The following CACNA1C variants were observed in gnomAD, a reference collection of about 807,000 sequenced individuals.
CACNA1C encodes the protein voltage-dependent L-type calcium channel subunit alpha-1C.
In CACNA1C, 30 loss-of-function variants were observed where a neutral mutation model predicts 229.0. The observed-to-expected ratio is 0.13, with a 90% CI of 0.10 to 0.18. The LOEUF (loss-of-function observed/expected upper bound fraction) is 0.18, where lower values mean the gene tolerates loss of function less well. Among genes scored for constraint, CACNA1C ranks in the 10% least tolerant of loss-of-function variants. The pLI is 1.00. For synonymous variants in CACNA1C, 1,114 were observed against 1,132.5 expected (o/e 0.98, Z 0.33); for missense variants, 1,658 against 2,845.0 (o/e 0.58, Z 9.49).
chr12:2,346,237 G>A lies in CACNA1C; in HGVS notation c.478-102739G>A, dbSNP rs912989857. Among the ~76,000 whole-genome samples the A allele has an allele frequency of 2.0e-5, 3 of 152,124 alleles. No homozygotes were observed. The highest frequency in any genetic ancestry group is 6.5e-5 in the Admixed American group (1 of 15,284). ...GTGTGTGTCATCTCTGTGTGTGTCT[G>A]TGTGTGTCTCTGTCTGTGCATCTCT... On this transcript the variant is annotated intron_variant, in intron 3 of 46. Coordinates refer to ENST00000399655, the MANE Select transcript of CACNA1C (RefSeq NM_000719.7). The surrounding 1 kb of genome is among the most constrained non-coding windows in gnomAD (Gnocchi z 4.4).
rs1348182349 is a variant in CACNA1C, at chr12:2,340,421, G to A, written c.478-108555G>A. ...GAGCATTATCTTTATTAATCTGAAA[G>A]GAAGAAAACAAGTGAATGGGACATA... On this transcript the variant is annotated intron_variant, in intron 3 of 46. Coordinates refer to ENST00000399655, the MANE Select transcript of CACNA1C (RefSeq NM_000719.7). Among the ~76,000 whole-genome samples the A allele has an allele frequency of 3.3e-5, 5 of 152,256 alleles. No homozygotes were observed. In the Middle Eastern group the frequency reaches 0.01, roughly 311 times the overall value.
At chr12:2,312,919 A>T (rs1339746078) in intron 3 of CACNA1C, among the ~76,000 whole-genome samples, 1 of 152,178 alleles carries the variant, frequency 6.6e-6, no homozygotes, top group Non-Finnish European at 1.5e-5. Context: ...CTTATTCATT[A>T]TGTTAAAATC....
chr12:2,373,833 A>G (rs2097939831), intron 3 of CACNA1C, among the ~76,000 whole-genome samples: 1 of 152,236 alleles, frequency 6.6e-6, no homozygotes, highest in Non-Finnish European at 1.5e-5. Flanking sequence ...CTGCAAGTCA[A>G]ACCTCATGCT....
At chr12:2,643,990 G>A (rs539620803) in intron 30 of CACNA1C, among the ~76,000 whole-genome samples, 234 of 152,312 alleles carry the variant, frequency 1.5e-3, no homozygotes, top group African/African-American at 5.5e-3. Context: ...GCATGGGGAG[G>A]GGGTACTGGC....
At chr12:2,363,731 AGCCTCT>A (rs3841764) in intron 3 of CACNA1C, among the ~76,000 whole-genome samples, 61,921 of 151,638 alleles carry the variant, frequency 0.41, 12,719 homozygotes, top group South Asian at 0.47. Flanking sequence ...GATCTCTTAC[AGCCTCT>A]GGAGTCTTGA....
At chr12:2,018,532 G>A (rs948448880) in intron 1 of CACNA1C, among the ~76,000 whole-genome samples, 7 of 152,236 alleles carry the variant, frequency 4.6e-5, no homozygotes, top group Non-Finnish European at 8.8e-5. Flanking sequence ...CAGTCAGGAT[G>A]AAAGCAACAG....
chr12:2,511,666 A>G (rs1291953431), intron 8 of CACNA1C, among the ~76,000 whole-genome samples: 1 of 151,984 alleles, frequency 6.6e-6, no homozygotes, highest in Non-Finnish European at 1.5e-5. Context: ...ATACTCCCCT[A>G]TGCCTATTTT....
chr12:2,570,306 C>T (rs1164008135), intron 13 of CACNA1C, among the ~76,000 whole-genome samples: 1 of 152,066 alleles, frequency 6.6e-6, no homozygotes, highest in Non-Finnish European at 1.5e-5. Context: ...GAGCTGATGG[C>T]ATCTTGCTCA....
intron 28 of CACNA1C, 132 bp downstream of exon 28, chr12:2,610,831 C>A: frequency 1.1e-6 from 1 of 874,086 alleles, no homozygotes; most frequent in Non-Finnish European, 1.8e-6. Context: ...TGGAGAAAGA[C>A]GAGTGTTCTC....
At chr12:2,441,310 C>T (rs934058007) in intron 3 of CACNA1C, among the ~76,000 whole-genome samples, 1 of 152,230 alleles carries the variant, frequency 6.6e-6, no homozygotes, top group African/African-American at 2.4e-5. Context: ...CCCAGCTCTA[C>T]TGTGCACATG....
rs2153229485 is a variant in CACNA1C at position 2,584,580 on chromosome 12, G to A, written c.2302G>A (p.Glu768Lys). 1 of 1,613,444 alleles carries A rather than the reference G, an allele frequency of 6.2e-7. No individual in the cohort carries two copies. The highest frequency in any genetic ancestry group is 8.5e-7 in the Non-Finnish European group (1 of 1,179,564). ...DAESLTSAQK[E>K]EEEEKERKKL... The stretch of plus-strand genomic sequence containing the variant: ...TGAGAGCCTCACATCTGCCCAAAAG[G>A]AGGAGGAAGAGGAGAAGGAGAGAAA... Residue 768 changes from glutamate (E) to lysine (K), a missense_variant, in exon 16 of 47, where the codon GAG (glutamate) becomes AAG (lysine). Coordinates refer to ENST00000399655, the MANE Select transcript of CACNA1C (RefSeq NM_000719.7).
At position 2,432,532 on chromosome 12, in the gene CACNA1C, C is replaced by T. The variant is rs115112759; in HGVS notation, c.478-16444C>T. Among the ~76,000 whole-genome samples, 1,061 of 152,280 alleles carry T rather than the reference C, an allele frequency of 7.0e-3. 14 individuals carry two copies. Among genetic ancestry groups the T allele is most frequent in the African/African-American group, 0.024 (999 of 41,540 alleles). On this transcript the variant is annotated intron_variant, in intron 3 of 46. Coordinates refer to ENST00000399655, the MANE Select transcript of CACNA1C (RefSeq NM_000719.7). ...TCTGACCCTCTCCTCCCACCTGCCC[C>T]ACTCTCTTGCTACCTTGGGGATTAG...
chr12:2,531,002 A>G (rs1229340817), intron 9 of CACNA1C, among the ~76,000 whole-genome samples: 1 of 152,192 alleles, frequency 6.6e-6, no homozygotes, highest in Non-Finnish European at 1.5e-5. Flanking sequence ...ACTTGCTTTT[A>G]TATTCATGTG....
At chr12:2,440,682 C>T (rs1047626282) in intron 3 of CACNA1C, among the ~76,000 whole-genome samples, 7 of 152,164 alleles carry the variant, frequency 4.6e-5, no homozygotes, top group African/African-American at 1.4e-4. Flanking sequence ...TAGAGACGGC[C>T]GTGCTTCAGC....
intron 15 of CACNA1C, 112 bp downstream of exon 15, chr12:2,583,054 C>T: frequency 1.4e-6 from 1 of 739,894 alleles, no homozygotes. Flanking sequence ...GCTCACACCA[C>T]CCAGCCTAGA....
Position 2,275,421 on chromosome 12 carries a change from G to A in CACNA1C, c.477+154991G>A, listed in dbSNP as rs1406988774. On this transcript the variant is annotated intron_variant, in intron 3 of 46. Coordinates refer to ENST00000399655, the MANE Select transcript of CACNA1C (RefSeq NM_000719.7). This position sits in a 1 kb window ranked among gnomAD's most constrained non-coding sequence, Gnocchi z 4.1. ...CTCGTGCCCGCACAGATTGTCTGGT[G>A]AGCCCGCCAGCTGTACCGCATCGCT... is the stretch of plus-strand genomic sequence containing the variant. 6.6e-6 allele frequency among the ~76,000 whole-genome samples: 1 copy of A among 152,120 alleles called. No individual in the cohort carries two copies. The highest frequency in any genetic ancestry group is 1.5e-5 in the Non-Finnish European group (1 of 68,016).
At chr12:2,019,985 G>T (rs2046156599) in intron 1 of CACNA1C, 1 of 152,162 alleles carries the variant, frequency 6.6e-6, no homozygotes, top group South Asian at 2.1e-4. Context: ...AATGTTTAAA[G>T]GTATACATTT....
intron 29 of CACNA1C, among the ~76,000 whole-genome samples, chr12:2,629,125 C>T (rs567078235): frequency 7.9e-5 from 12 of 152,172 alleles, no homozygotes; most frequent in African/African-American, 2.4e-4. Flanking sequence ...AATCTCCAGC[C>T]GACTAGAATA....
At chr12:2,405,882 C>T (rs1185026031) in intron 3 of CACNA1C, among the ~76,000 whole-genome samples, 1 of 152,174 alleles carries the variant, frequency 6.6e-6, no homozygotes, top group Admixed American at 6.5e-5. Context: ...CCCAAGATTC[C>T]TTAAAAAAAT....
Sources: gnomAD v4.1 joint callset for allele counts (sites outside exome capture counted in the v4.1 genomes callset) on GRCh38, gnomAD v4.1.1 for gene constraint, Gnocchi (gnomAD v3.1) non-coding constraint, MANE v1.5 for transcripts, NCBI Gene and HGNC (gene_info 2026-07-23, HGNC 2026-07-21) for gene names.